The following FAM227B variants were observed in gnomAD, a reference collection of about 807,000 sequenced individuals.
FAM227B encodes the protein protein FAM227B.
In FAM227B, 88 loss-of-function variants were observed where a neutral mutation model predicts 73.8. That is an observed-to-expected ratio of 1.19 (90% CI 1.00 to 1.42). FAM227B has a LOEUF of 1.42. FAM227B is among the 40% of genes most tolerant of loss of function. The probability of loss-of-function intolerance (pLI) is 0.00; values close to 1 mark genes in which losing one functional copy is unlikely to be tolerated. For missense variants in FAM227B, 632 were observed against 590.9 expected (o/e 1.07, Z -0.72); for synonymous variants, 210 against 190.5 (o/e 1.10, Z -0.84).
At chr15:49,342,705 T>G (rs76013079) in intron 13 of FAM227B, among the ~76,000 whole-genome samples, 62 of 152,284 alleles carry the variant, frequency 4.1e-4, no homozygotes, top group African/African-American at 1.4e-3. Context: ...CTTAAAGATC[T>G]CTTATGAGAC....
At chr15:49,387,033 C>G (rs142425436) in intron 11 of FAM227B, among the ~76,000 whole-genome samples, 13 of 151,806 alleles carry the variant, frequency 8.6e-5, no homozygotes, top group Non-Finnish European at 1.6e-4. Context: ...AAGCCCAGGA[C>G]CAGATGGATT....
rs1425319186 is a variant in FAM227B at position 49,368,943 on chromosome 15, GTTGTTTTTGTT to G, written c.1111-1346_1111-1336del. Among the ~76,000 whole-genome samples the G allele has an allele frequency of 3.9e-5, 6 of 152,140 alleles. No homozygotes were observed. The South Asian group carries it at 1.0e-3, about 26-fold the overall frequency. On this transcript the variant is annotated intron_variant, in intron 12 of 15. Coordinates refer to ENST00000299338, the MANE Select transcript of FAM227B (RefSeq NM_152647.3). ...TAGGTATTAAATGCAATCCCGTGGT[GTTGTTTTTGTT>G]TTGTTTTTGTTTGTTTGTTTGTTTT...
At chr15:49,416,195 T>G (rs1383959907) in intron 11 of FAM227B, among the ~76,000 whole-genome samples, 1 of 131,492 alleles carries the variant, frequency 7.6e-6, no homozygotes, top group Non-Finnish European at 1.5e-5. Flanking sequence ...CTCACTGGAA[T>G]GCATGCTCTG....
At chr15:49,485,673 C>G (rs931784888) in intron 11 of FAM227B, 6 of 152,352 alleles carry the variant, frequency 3.9e-5, no homozygotes, top group African/African-American at 1.5e-4. Context: ...ATGTCTCACA[C>G]AGAACAATAC....
At chr15:49,482,766 A>G (rs11852293) in intron 11 of FAM227B, among the ~76,000 whole-genome samples, 46,512 of 151,890 alleles carry the variant, frequency 0.31, 8,295 homozygotes, top group East Asian at 0.42. Context: ...ATCTGTGGTT[A>G]TGAGTAAATG....
chr15:49,569,382 T>A (rs1298025356), intron 8 of FAM227B, among the ~76,000 whole-genome samples: 1 of 151,930 alleles, frequency 6.6e-6, no homozygotes, highest in Admixed American at 6.6e-5. Context: ...CTGCAATATG[T>A]ATTATTTCCT....
chr15:49,571,374 T>A (rs1337779879), intron 8 of FAM227B, among the ~76,000 whole-genome samples: 1 of 152,030 alleles, frequency 6.6e-6, no homozygotes, highest in Non-Finnish European at 1.5e-5. Context: ...TCCATTTGTC[T>A]ATTTTTTGCT....
chr15:49,464,363 G>A (rs1193857105), intron 11 of FAM227B, among the ~76,000 whole-genome samples: 1 of 152,178 alleles, frequency 6.6e-6, no homozygotes, highest in Non-Finnish European at 1.5e-5. Flanking sequence ...AAATAAAAAT[G>A]TGTTAACAGT....
intron 11 of FAM227B, chr15:49,425,497 A>G (rs1394737508): frequency 6.6e-6 from 1 of 152,034 alleles, no homozygotes; most frequent in Non-Finnish European, 1.5e-5. Context: ...TTTTGTTTAC[A>G]TTACTAGCAC....
chr15:49,618,842 G>C (rs2078466461), intron 1 of FAM227B, among the ~76,000 whole-genome samples: 1 of 152,194 alleles, frequency 6.6e-6, no homozygotes. Flanking sequence ...ATTGAGAATA[G>C]AGTAGAAGGG....
intron 11 of FAM227B, among the ~76,000 whole-genome samples, chr15:49,479,739 G>A (rs1464998721): frequency 6.7e-6 from 1 of 148,906 alleles, no homozygotes; most frequent in Non-Finnish European, 1.5e-5. Flanking sequence ...TCAGACTACC[G>A]AGTAACTGGG....
chr15:49,572,881 C>G (rs2075206362), intron 8 of FAM227B, among the ~76,000 whole-genome samples: 1 of 151,962 alleles, frequency 6.6e-6, no homozygotes, highest in Admixed American at 6.6e-5. Context: ...CTCAAATAAC[C>G]AACTTTTGGC....
chr15:49,404,367 G>T (rs1272261091), intron 11 of FAM227B, among the ~76,000 whole-genome samples: 1 of 152,132 alleles, frequency 6.6e-6, no homozygotes, highest in Non-Finnish European at 1.5e-5. Context: ...GGGTGTTAAA[G>T]TCCCCCACTA....
rs568419866 is a variant in FAM227B, at chr15:49,539,187, A to G, written c.874+2493T>C. On this transcript the variant is annotated intron_variant, in intron 10 of 15. Transcript: ENST00000299338. The stretch of plus-strand genomic sequence containing the variant: ...ATGCAACAGCTTACATTCCCCATGC[A>G]GCTCTGTCAGATGAGGTCAGCATCA... Among the ~76,000 whole-genome samples the G allele has an allele frequency of 2.6e-5, 4 of 152,270 alleles. No individual in the cohort carries two copies. The East Asian group carries it at 7.7e-4, about 29-fold the overall frequency.
At chr15:49,340,413 T>TC (rs1185588384) in intron 13 of FAM227B, among the ~76,000 whole-genome samples, 2,406 of 64,460 alleles carry the variant, frequency 0.037, 25 homozygotes, top group Middle Eastern at 0.049. Flanking sequence ...GCCCCCCCCC[T>TC]CCCCCCCCCG....
chr15:49,555,407 G>A (rs947820616), intron 9 of FAM227B, among the ~76,000 whole-genome samples: 1 of 152,210 alleles, frequency 6.6e-6, no homozygotes, highest in Non-Finnish European at 1.5e-5. Flanking sequence ...TAGGGCTTTT[G>A]CTGGAAGGTC....
rs1343902700 is a variant in FAM227B, at chr15:49,555,657, C to A, written c.747+12588G>T. Among the ~76,000 whole-genome samples, 3 of 152,288 alleles carry A rather than the reference C, an allele frequency of 2.0e-5. No individual in the cohort carries two copies. In the East Asian group the frequency reaches 5.8e-4, roughly 29 times the overall value. On this transcript the variant is annotated intron_variant, in intron 9 of 15. Coordinates refer to ENST00000299338, the MANE Select transcript of FAM227B (RefSeq NM_152647.3). ...AAATGTTTTCCATGCTGCTTGCTTT[C>A]TCTCCCTCTTTCAAGGATGTCAATG...
At chr15:49,424,581 A>C (rs762092181) in intron 11 of FAM227B, 1 of 1,565,406 alleles carries the variant, frequency 6.4e-7, no homozygotes, top group South Asian at 1.2e-5. Flanking sequence ...AAGAATAATT[A>C]CAGTAAGTAA....
At chr15:49,432,832 C>A (rs1230208188) in intron 11 of FAM227B, among the ~76,000 whole-genome samples, 1 of 151,452 alleles carries the variant, frequency 6.6e-6, no homozygotes, top group East Asian at 1.9e-4. Context: ...GAGTTCTGAG[C>A]AGATTTATAG....
Sources: allele counts gnomAD v4.1 joint callset (sites outside exome capture counted in the v4.1 genomes callset), GRCh38; gene constraint gnomAD v4.1.1; transcripts MANE v1.5; gene names NCBI Gene and HGNC (gene_info 2026-07-23, HGNC 2026-07-21).